COL4A4: variants seen among roughly 807,000 people sequenced by gnomAD.
COL4A4 encodes collagen type IV alpha 4 chain, also known as collagen alpha-4(IV) chain.
In COL4A4, 105 loss-of-function variants were observed where a neutral mutation model predicts 192.9. The ratio of observed to expected loss-of-function variants is 0.54; its 90% confidence interval spans 0.46 to 0.64. COL4A4 has a LOEUF of 0.64. COL4A4 is among the 30% of genes least tolerant of loss of function. COL4A4 has a pLI of 0.00. For missense variants in COL4A4, 1,967 were observed against 2,169.3 expected (o/e 0.91, Z 1.85); for synonymous variants, 762 against 769.9 (o/e 0.99, Z 0.17).
intron 46 of COL4A4, among the ~76,000 whole-genome samples, chr2:227,010,089 TATTATAGCCAGATAATA>T (rs1483210620): frequency 1.3e-5 from 2 of 152,214 alleles, no homozygotes; most frequent in Admixed American, 6.5e-5. Flanking sequence ...ATAATATACT[TATTATAGCCAGATAATA>T]ATTATAGCCA....
chr2:227,078,124 T>A lies in COL4A4; in HGVS notation c.1804-47A>T, dbSNP rs1033292324. On this transcript the variant is annotated intron_variant, in intron 24 of 47. Transcript: ENST00000396625. Reference sequence around the variant, plus strand: ...TCAATTACCAACCACTGAATGTCCATGAACTCAAAGCAGTCATTGTAGGTT... The same window carrying A: ...TCAATTACCAACCACTGAATGTCCAAGAACTCAAAGCAGTCATTGTAGGTT... 1.4e-5 allele frequency: 22 copies of A among 1,597,158 alleles called. No homozygotes were observed. In the African/African-American group the frequency reaches 2.1e-4, roughly 16 times the overall value.
rs546671581 is a variant in COL4A4, at chr2:227,139,738, G to A, written c.192+423C>T. Among the ~76,000 whole-genome samples the A allele has an allele frequency of 5.3e-4, 80 of 152,292 alleles. No homozygotes were observed. In the South Asian group the frequency reaches 0.013, roughly 25 times the overall value. On this transcript the variant is annotated intron_variant, in intron 4 of 47. Coordinates refer to ENST00000396625, the MANE Select transcript of COL4A4 (RefSeq NM_000092.5). ...AGCTATCACTTCATTAGAACACTGT[G>A]CCACTTGTTTCAATAGCGACAATCC...
At chr2:227,103,352 T>A (rs376259626) in intron 13 of COL4A4, among the ~76,000 whole-genome samples, 155 bp from the exon 14 acceptor site, 14 of 152,280 alleles carry the variant, frequency 9.2e-5, no homozygotes, top group African/African-American at 3.4e-4. Flanking sequence ...AGCACACTTA[T>A]AAACCAGATA....
chr2:227,049,946 C>T, intron 34 of COL4A4, 122 bp downstream of exon 34: 1 of 872,320 alleles, frequency 1.1e-6, no homozygotes, highest in South Asian at 1.3e-5. Flanking sequence ...TAACAAGAGC[C>T]CCTTGGGTGT....
At chr2:227,033,347 A>T in intron 38 of COL4A4, 63 bp downstream of exon 38, 2 of 1,337,600 alleles carry the variant, frequency 1.5e-6, no homozygotes, top group Non-Finnish European at 2.1e-6. Context: ...CAGGGAGGGT[A>T]CCACTTTCTC....
At chr2:227,073,472 A>G (rs565327806) in intron 25 of COL4A4, among the ~76,000 whole-genome samples, 4 of 152,216 alleles carry the variant, frequency 2.6e-5, no homozygotes, top group South Asian at 2.1e-4. Context: ...CACACTTCAA[A>G]AGTAATCTAC....
chr2:227,033,753 T>C (rs1232406211), intron 37 of COL4A4, among the ~76,000 whole-genome samples: 2 of 152,372 alleles, frequency 1.3e-5, no homozygotes, highest in African/African-American at 2.4e-5. Context: ...TGACCAGATA[T>C]GGTCTAGAAT....
At chr2:227,153,259 C>T (rs1035671492) in intron 1 of COL4A4, among the ~76,000 whole-genome samples, 10 of 152,110 alleles carry the variant, frequency 6.6e-5, no homozygotes, top group African/African-American at 1.9e-4. Context: ...GGAGACACAG[C>T]CAAACCATAT....
At chr2:227,020,530 C>T (rs1965802189) in intron 44 of COL4A4, among the ~76,000 whole-genome samples, 1 of 152,170 alleles carries the variant, frequency 6.6e-6, no homozygotes, top group Non-Finnish European at 1.5e-5. Flanking sequence ...GAGTCTGACT[C>T]CTGTTGAGAG....
intron 25 of COL4A4, among the ~76,000 whole-genome samples, chr2:227,063,721 T>C (rs1230944293): frequency 6.6e-6 from 1 of 152,024 alleles, no homozygotes; most frequent in Non-Finnish European, 1.5e-5. Context: ...CAAATGGTTT[T>C]TCATGGACAA....
At chr2:227,131,208 T>C (rs1318323635) in intron 4 of COL4A4, among the ~76,000 whole-genome samples, 1 of 151,124 alleles carries the variant, frequency 6.6e-6, no homozygotes, top group Non-Finnish European at 1.5e-5. Context: ...CAGGCTGGAG[T>C]GCAGTGGCAC....
chr2:227,015,950 G>GT (rs1964766931), intron 44 of COL4A4, among the ~76,000 whole-genome samples: 1 of 151,846 alleles, frequency 6.6e-6, no homozygotes. Flanking sequence ...TTGTAATAAA[G>GT]TTTTTTTCTT....
chr2:227,108,492 G>C lies in COL4A4; in HGVS notation c.735+89C>G, dbSNP rs551583197. 62 of 1,309,736 alleles carry C rather than the reference G, an allele frequency of 4.7e-5. No homozygotes were observed. The African/African-American group carries it at 5.8e-4, about 12-fold the overall frequency. The allele number at this position is 1,309,736 out of a possible 1,614,324, so 81.1% of individuals were successfully genotyped here. A position where few individuals can be genotyped will look rare whatever the true frequency, so the allele number is the denominator to read the frequency against. ...AAATTGGGCAGTGACTAGATAATGA[G>C]TACAAGTTCAAATAATCAGAACAGC... On this transcript the variant is annotated intron_variant, in intron 12 of 47. Transcript: ENST00000396625.
the COL4A4 span, among the ~76,000 whole-genome samples, chr2:226,968,316 C>T: frequency 6.6e-6 from 1 of 152,140 alleles, no homozygotes; most frequent in Non-Finnish European, 1.5e-5. Context: ...TGGAGGCTGA[C>T]CAGGCAAGTC....
chr2:227,006,023 G>A lies in COL4A4; in HGVS notation c.*1302C>T, dbSNP rs1962014420. The stretch of plus-strand genomic sequence containing the variant: ...ATGCCAAATGTCAAACTGTTGCCTT[G>A]GTACAAGACTGATATGAAATATAAG... On this transcript the variant is annotated 3_prime_UTR_variant, in exon 48 of 48. Coordinates refer to ENST00000396625, the MANE Select transcript of COL4A4 (RefSeq NM_000092.5). 1 of 152,382 alleles carries A rather than the reference G, an allele frequency of 6.6e-6. No homozygotes were observed. 9.4% of individuals were successfully genotyped at this position (152,382 alleles called of 1,614,324 possible).
At chr2:227,050,045 G>T (rs750332916) in intron 34 of COL4A4, 23 bp downstream of exon 34, 1 of 1,607,272 alleles carries the variant, frequency 6.2e-7, no homozygotes, top group Non-Finnish European at 8.5e-7. Flanking sequence ...TTGACAGATG[G>T]CTTCTGTATC....
At chr2:227,056,579 G>A (rs915820796) in intron 29 of COL4A4, among the ~76,000 whole-genome samples, 7 of 152,074 alleles carry the variant, frequency 4.6e-5, no homozygotes, top group Non-Finnish European at 1.0e-4. Context: ...TACTGCATTT[G>A]GATAAAAGCA....
chr2:227,071,087 C>T (rs1222561219), intron 25 of COL4A4, among the ~76,000 whole-genome samples: 2 of 151,960 alleles, frequency 1.3e-5, no homozygotes, highest in Non-Finnish European at 2.9e-5. Context: ...AGTGTAAATG[C>T]TCCACTTCAA....
chr2:226,978,898 G>C, the COL4A4 span, among the ~76,000 whole-genome samples: 2 of 152,188 alleles, frequency 1.3e-5, no homozygotes, highest in Non-Finnish European at 2.9e-5. Flanking sequence ...TGTGGAGAAT[G>C]GCTGGTAGGA....
Sources: allele counts gnomAD v4.1 joint callset (sites outside exome capture counted in the v4.1 genomes callset), GRCh38; gene constraint gnomAD v4.1.1; transcripts MANE v1.5; gene names NCBI Gene and HGNC (gene_info 2026-07-23, HGNC 2026-07-21).